Variants in PID1 observed in about 807,000 individuals in gnomAD.
The protein encoded by PID1 is phosphotyrosine interaction domain containing 1.
PID1 carries 10 observed loss-of-function variants against 19.1 expected under a neutral mutation model. That is an observed-to-expected ratio of 0.52 (90% CI 0.32 to 0.89). The LOEUF (loss-of-function observed/expected upper bound fraction) is 0.89, where lower values mean the gene tolerates loss of function less well. Among genes scored for constraint, PID1 ranks in the 40% least tolerant of loss-of-function variants. The pLI is 0.03. For synonymous variants in PID1, 130 were observed against 116.0 expected (o/e 1.12, Z -0.78); for missense variants, 248 against 285.3 (o/e 0.87, Z 0.94).
At chr2:229,221,697 T>C (rs553805519) in intron 1 of PID1, among the ~76,000 whole-genome samples, 1 of 152,150 alleles carries the variant, frequency 6.6e-6, no homozygotes, top group South Asian at 2.1e-4. Flanking sequence ...CCATTCCCTC[T>C]CTCCCAAGGA....
chr2:229,066,350 G>A (rs1224666311), intron 2 of PID1, among the ~76,000 whole-genome samples: 1 of 152,174 alleles, frequency 6.6e-6, no homozygotes, highest in Non-Finnish European at 1.5e-5. Context: ...TGTGACAAGA[G>A]GGGAGGTATT....
intron 2 of PID1, among the ~76,000 whole-genome samples, chr2:229,130,055 T>A (rs1482694061): frequency 6.6e-6 from 1 of 152,210 alleles, no homozygotes; most frequent in Non-Finnish European, 1.5e-5. Context: ...TTGGCAACCC[T>A]GTACTTGTTC....
intron 1 of PID1, among the ~76,000 whole-genome samples, chr2:229,268,833 G>GA (rs1026210902): frequency 5.9e-5 from 9 of 151,922 alleles, no homozygotes; most frequent in African/African-American, 2.2e-4. Context: ...AAAAGAAAAG[G>GA]AAAAAACCCC....
chr2:229,158,294 C>T (rs986523743), intron 1 of PID1, among the ~76,000 whole-genome samples: 1 of 152,194 alleles, frequency 6.6e-6, no homozygotes, highest in Admixed American at 6.5e-5. Flanking sequence ...ACTGAATTTT[C>T]ATTTTACACT....
chr2:229,041,775 C>T (rs1049493193), intron 2 of PID1, among the ~76,000 whole-genome samples: 8 of 151,982 alleles, frequency 5.3e-5, no homozygotes, highest in African/African-American at 1.9e-4. Flanking sequence ...CCCCTGCCAA[C>T]CCCCTGAACC....
chr2:229,242,328 C>T (rs1418296306), intron 1 of PID1, among the ~76,000 whole-genome samples: 1 of 152,166 alleles, frequency 6.6e-6, no homozygotes, highest in Non-Finnish European at 1.5e-5. Flanking sequence ...CAGCTCACTC[C>T]ATATAATAAG....
chr2:229,201,467 T>G (rs950944330), intron 1 of PID1, among the ~76,000 whole-genome samples: 7 of 152,084 alleles, frequency 4.6e-5, no homozygotes, highest in Non-Finnish European at 1.0e-4. Context: ...CCTTCCTGTT[T>G]AAGGCTGAAG....
intron 2 of PID1, among the ~76,000 whole-genome samples, chr2:229,051,518 A>C (rs10048695): frequency 0.52 from 79,281 of 151,660 alleles, 21,477 homozygotes; most frequent in East Asian, 0.67. Context: ...TTGTATTTTT[A>C]GTAGAGACAG....
intron 1 of PID1, among the ~76,000 whole-genome samples, chr2:229,264,268 T>G (rs12997537): frequency 6.6e-6 from 1 of 152,114 alleles, no homozygotes; most frequent in East Asian, 1.9e-4. Context: ...GTAGTATACA[T>G]GAAATTTCCC....
At chr2:229,216,907 GAGAA>G (rs1206700162) in intron 1 of PID1, among the ~76,000 whole-genome samples, 3 of 151,984 alleles carry the variant, frequency 2.0e-5, no homozygotes, top group Non-Finnish European at 4.4e-5. Flanking sequence ...AAAAGCAAAG[GAGAA>G]GGAAGATTTC....
chr2:229,189,097 AACC>A (rs1691200266), intron 1 of PID1, among the ~76,000 whole-genome samples: 1 of 152,176 alleles, frequency 6.6e-6, no homozygotes, highest in Non-Finnish European at 1.5e-5. Flanking sequence ...CGTGTCTATT[AACC>A]ACATCTCATT....
At chr2:229,154,654 G>A (rs550875063) in intron 2 of PID1, among the ~76,000 whole-genome samples, 87 of 152,240 alleles carry the variant, frequency 5.7e-4, no homozygotes, top group Non-Finnish European at 1.0e-3. Flanking sequence ...ACAGCTATGC[G>A]AGAACTGATT....
At chr2:229,142,690 G>GA (rs1455143258) in intron 2 of PID1, among the ~76,000 whole-genome samples, 5 of 152,140 alleles carry the variant, frequency 3.3e-5, no homozygotes, top group Non-Finnish European at 7.4e-5. Flanking sequence ...AAAAAGTCAG[G>GA]AAACAACAGG....
intron 2 of PID1, among the ~76,000 whole-genome samples, chr2:229,031,255 C>A (rs1385224861): frequency 1.5e-5 from 2 of 136,462 alleles, no homozygotes. Flanking sequence ...AACAAGTTGG[C>A]ACTTCTTAAA....
chr2:229,074,749 CATAA>C (rs961152769), intron 2 of PID1, among the ~76,000 whole-genome samples: 6 of 152,142 alleles, frequency 3.9e-5, no homozygotes, highest in Admixed American at 3.3e-4. Context: ...TCATAAACTA[CATAA>C]ATAAATTATG....
chr2:229,062,245 A>G (rs1172720748), intron 2 of PID1, among the ~76,000 whole-genome samples: 5 of 151,936 alleles, frequency 3.3e-5, no homozygotes, highest in Admixed American at 3.3e-4. Context: ...GGACTTTATT[A>G]TGTGGAGGTA....
At chr2:229,125,221 A>G (rs1695598996) in intron 2 of PID1, among the ~76,000 whole-genome samples, 1 of 152,190 alleles carries the variant, frequency 6.6e-6, no homozygotes, top group African/African-American at 2.4e-5. Context: ...ACTGAATTCT[A>G]TGACATTCTA....
rs1693399845 is a variant in PID1, at chr2:229,025,686, G to A, written c.600C>T (p.His200=). 6 of 1,613,788 alleles carry A rather than the reference G, an allele frequency of 3.7e-6. No individual in the cohort carries two copies. Among genetic ancestry groups the A allele is most frequent in the African/African-American group, 1.3e-5 (1 of 74,946 alleles). Residue 200 remains histidine (H), a synonymous_variant, in exon 3 of 3, where the codon CAC becomes CAT. Transcript: ENST00000392055. ...FHSMKSDGRI[H]SNSSSEEVSQ... is the part of the protein sequence containing the mutation. ...AAACCTCTTCGGAGGAGCTGTTGCT[G>A]TGGATCCGCCCGTCGCTCTTCATAC...
chr2:229,099,738 G>C (rs1410852156), intron 2 of PID1, among the ~76,000 whole-genome samples: 1 of 152,126 alleles, frequency 6.6e-6, no homozygotes, highest in South Asian at 2.1e-4. Flanking sequence ...CTGCCTAAAA[G>C]AATCAACTGG....
Sources: gnomAD v4.1 joint callset for allele counts (sites outside exome capture counted in the v4.1 genomes callset) on GRCh38, gnomAD v4.1.1 for gene constraint, MANE v1.5 for transcripts, NCBI Gene and HGNC (gene_info 2026-07-23, HGNC 2026-07-21) for gene names.